The following RBFOX1 variants were observed in gnomAD, a reference collection of about 807,000 sequenced individuals.
The protein encoded by RBFOX1 is RNA binding fox-1 homolog 1.
A neutral mutation model predicts 57.7 loss-of-function variants in RBFOX1; 8 were observed. The observed-to-expected ratio is 0.14, with a 90% CI of 0.08 to 0.25. The LOEUF (loss-of-function observed/expected upper bound fraction) is 0.25, where lower values mean the gene tolerates loss of function less well. RBFOX1 is among the 10% of genes least tolerant of loss of function. The probability of loss-of-function intolerance (pLI) is 1.00; values close to 1 mark genes in which losing one functional copy is unlikely to be tolerated. For synonymous variants in RBFOX1, 326 were observed against 222.4 expected, an observed-to-expected ratio of 1.47 and a Z score of -4.15; for missense variants, 611 against 548.5, an observed-to-expected ratio of 1.11 and a Z score of -1.14.
At chr16:7,695,019 C>G (rs1348327301) in intron 14 of RBFOX1, among the ~76,000 whole-genome samples, 1 of 152,114 alleles carries the variant, frequency 6.6e-6, no homozygotes, top group Non-Finnish European at 1.5e-5. Context: ...GATCCACACA[C>G]AATATTTCTA....
intron 1 of RBFOX1, among the ~76,000 whole-genome samples, chr16:6,217,970 C>A (rs563310865): frequency 6.6e-6 from 1 of 152,200 alleles, no homozygotes; most frequent in South Asian, 2.1e-4. Flanking sequence ...GAGCTGGGAT[C>A]CTGCCACTGC....
At chr16:7,368,552 G>A (rs9930313) in intron 4 of RBFOX1, among the ~76,000 whole-genome samples, 6,604 of 152,012 alleles carry the variant, frequency 0.043, 466 homozygotes, top group African/African-American at 0.15. Flanking sequence ...GCCGAGGTGG[G>A]CAGATCATGA....
At position 7,143,984 on chromosome 16, in the gene RBFOX1, A is replaced by G. The variant is rs78822735; in HGVS notation, c.27+91886A>G. On this transcript the variant is annotated intron_variant, in intron 4 of 15. Transcript: ENST00000550418. ...AAACAATCATAACTCTCTTTAAACC[A>G]TGGTGTTGTCTTTGGAACATTCATA... is the stretch of plus-strand genomic sequence containing the variant. 2.4e-3 allele frequency among the ~76,000 whole-genome samples: 367 copies of G among 152,216 alleles called. 1 individual carries two copies. Among genetic ancestry groups the G allele is most frequent in the African/African-American group, 8.1e-3 (337 of 41,544 alleles).
intron 2 of RBFOX1, among the ~76,000 whole-genome samples, chr16:6,537,822 C>G (rs1340628666): frequency 6.6e-6 from 1 of 151,964 alleles, no homozygotes; most frequent in Non-Finnish European, 1.5e-5. Context: ...ATTTACATAT[C>G]CAGCAGGAGT....
At chr16:7,363,039 C>T (rs1244384099) in intron 4 of RBFOX1, among the ~76,000 whole-genome samples, 2 of 152,154 alleles carry the variant, frequency 1.3e-5, no homozygotes, top group East Asian at 1.9e-4. Context: ...GCAGGATGGC[C>T]TGTAAATCAC....
chr16:5,541,846 G>A (rs967085465), intron 2 of RBFOX1, among the ~76,000 whole-genome samples: 3 of 152,166 alleles, frequency 2.0e-5, no homozygotes, highest in Non-Finnish European at 4.4e-5. Flanking sequence ...TTAGTTGGCT[G>A]TTCTACGGAA....
chr16:6,867,460 T>C (rs1027492506), intron 3 of RBFOX1, among the ~76,000 whole-genome samples: 5 of 152,002 alleles, frequency 3.3e-5, no homozygotes, highest in Non-Finnish European at 7.4e-5. Context: ...GGCTCACTCA[T>C]GTAATTCCAG....
At chr16:7,083,190 G>A (rs1330512780) in intron 4 of RBFOX1, among the ~76,000 whole-genome samples, 1 of 152,072 alleles carries the variant, frequency 6.6e-6, no homozygotes, top group Non-Finnish European at 1.5e-5. Flanking sequence ...CGAGGGGACA[G>A]TCCACGGAAT....
In RBFOX1 at chr16:5,621,579, G is replaced by T. The variant is rs187873851; in HGVS notation, c.318+22618G>T. 7.2e-5 allele frequency among the ~76,000 whole-genome samples: 11 copies of T among 152,258 alleles called. 1 individual carries two copies. The East Asian group carries it at 1.9e-3, about 27-fold the overall frequency. On this transcript the variant is annotated intron_variant, in intron 3 of 19. Transcript: ENST00000641259. ...GAAGGTGGGATGTAGGCATCAGCGG[G>T]ATTCAGTGCTGACTTCCCCTACGGA...
chr16:5,871,563 G>A (rs1330355364), intron 4 of RBFOX1, among the ~76,000 whole-genome samples: 1 of 152,082 alleles, frequency 6.6e-6, no homozygotes, highest in Non-Finnish European at 1.5e-5. Flanking sequence ...AGCTTGCCCT[G>A]CTGAGAGAGA....
chr16:6,984,195 C>T (rs576924555), intron 3 of RBFOX1, among the ~76,000 whole-genome samples: 13 of 152,154 alleles, frequency 8.5e-5, no homozygotes, highest in Non-Finnish European at 1.5e-4. Flanking sequence ...TGCGGTGAGC[C>T]GAGATAGTGC....
chr16:5,701,631 G>A lies in RBFOX1; in HGVS notation c.318+102670G>A, dbSNP rs117231281. ...TATTTTTTTGTAGGGACAGAGTTTC[G>A]TCATGTTGCCCAGGCTGGTCTCAAA... On this transcript the variant is annotated intron_variant, in intron 3 of 19. Transcript: ENST00000641259. Among the ~76,000 whole-genome samples, 748 of 152,166 alleles carry A rather than the reference G, an allele frequency of 4.9e-3. 4 individuals carry two copies. The highest frequency in any genetic ancestry group is 6.8e-3 in the Middle Eastern group (2 of 294).
intron 1 of RBFOX1, among the ~76,000 whole-genome samples, chr16:6,284,451 C>T (rs1032519366): frequency 2.8e-4 from 42 of 152,130 alleles, no homozygotes; most frequent in Admixed American, 2.8e-3. Context: ...CATTCACAAC[C>T]AGTGTTGAGG....
intron 4 of RBFOX1, among the ~76,000 whole-genome samples, chr16:7,281,342 A>T (rs143208091): frequency 1.5e-4 from 22 of 151,598 alleles, no homozygotes; most frequent in African/African-American, 5.3e-4. Context: ...CTTGGGGGGT[A>T]GTTTAGCATA....
chr16:6,949,442 G>A (rs146255711), intron 3 of RBFOX1, among the ~76,000 whole-genome samples: 142 of 152,252 alleles, frequency 9.3e-4, no homozygotes, highest in Middle Eastern at 6.8e-3. Flanking sequence ...GCTGGGTTGC[G>A]TAAGCAACAC....
intron 3 of RBFOX1, among the ~76,000 whole-genome samples, chr16:5,828,060 T>C (rs2056136350): frequency 6.6e-6 from 1 of 151,410 alleles, no homozygotes; most frequent in Non-Finnish European, 1.5e-5. Context: ...TACCCACCCA[T>C]CCATCCATCC....
intron 2 of RBFOX1, among the ~76,000 whole-genome samples, chr16:6,639,599 G>T (rs540695674): frequency 4.6e-5 from 7 of 152,218 alleles, no homozygotes; most frequent in African/African-American, 1.7e-4. Flanking sequence ...ATTGTGGGCC[G>T]GGCACGGTGG....
At chr16:6,679,113 C>T (rs976657572) in intron 3 of RBFOX1, among the ~76,000 whole-genome samples, 1 of 152,104 alleles carries the variant, frequency 6.6e-6, no homozygotes, top group South Asian at 2.1e-4. Context: ...TTTCAACAGA[C>T]AAAATATGCA....
rs576796063 is a variant in RBFOX1, at chr16:5,823,750, C to A, written c.319-43553C>A. Among the ~76,000 whole-genome samples, 63 of 152,142 alleles carry A rather than the reference C, an allele frequency of 4.1e-4. 1 individual carries two copies. Among genetic ancestry groups the A allele is most frequent in the African/African-American group, 1.5e-3 (62 of 41,494 alleles). ...ATGCTCCTTATGAGAATTTAATGCCCGATGATCTGTCACTGTCTCCCATCA... is the reference window on the plus strand; with the variant it reads ...ATGCTCCTTATGAGAATTTAATGCCAGATGATCTGTCACTGTCTCCCATCA... On this transcript the variant is annotated intron_variant, in intron 3 of 19. Coordinates refer to the RBFOX1 transcript ENST00000641259.
Sources: gnomAD v4.1 joint callset for allele counts (sites outside exome capture counted in the v4.1 genomes callset) on GRCh38, gnomAD v4.1.1 for gene constraint, MANE v1.5 for transcripts, NCBI Gene and HGNC (gene_info 2026-07-23, HGNC 2026-07-21) for gene names.